The following IST1 variants were observed in gnomAD, a reference collection of about 807,000 sequenced individuals.
The protein encoded by IST1 is IST1 factor associated with ESCRT-III.
IST1 carries 23 observed loss-of-function variants against 37.0 expected under a neutral mutation model. That is an observed-to-expected ratio of 0.62 (90% CI 0.45 to 0.88). IST1 has a LOEUF of 0.88. IST1 is among the 40% of genes least tolerant of loss of function. The probability of loss-of-function intolerance (pLI) is 0.00; values close to 1 mark genes in which losing one functional copy is unlikely to be tolerated. For missense variants in IST1, 488 were observed against 445.4 expected (o/e 1.10, Z -0.86); for synonymous variants, 180 against 161.7 (o/e 1.11, Z -0.86).
At position 71,916,555 on chromosome 16, in the gene IST1, G is replaced by A. The variant is rs754367859; in HGVS notation, c.182G>A (p.Arg61Gln). Residue 61 changes from arginine to glutamine, a missense_variant, in exon 3 of 10, where the codon CGG becomes CAG. Around this residue, in one of 2 missense-constraint regions of IST1, gnomAD observed 455 missense variants for 386.2 expected, o/e 1.18. Coordinates refer to ENST00000378799, the MANE Select transcript of IST1 (RefSeq NM_001270975.2). ...RARIRVEHII[R>Q]EDYLVEAMEI... ...CGGATCCGTGTGGAGCACATTATCC[G>A]GGAAGACTACCTCGTGGAGGCCATG... 2.0e-5 allele frequency: 33 copies of A among 1,613,970 alleles called. No individual in the cohort carries two copies. Among genetic ancestry groups the A allele is most frequent in the Non-Finnish European group, 2.6e-5 (31 of 1,179,860 alleles).
chr16:71,926,748 C>G (rs1185833444), intron 9 of IST1, among the ~76,000 whole-genome samples: 1 of 152,104 alleles, frequency 6.6e-6, no homozygotes, highest in East Asian at 1.9e-4. Flanking sequence ...TCAACTCTGC[C>G]CTTCCCTCCA....
In IST1 at chr16:71,929,572, C is replaced by A; in HGVS notation, c.*1759C>A. ...TTCATCTAAAACTTCAGTGTCACTG[C>A]CCACTGCTGTCGTGGCTGCTTGCTC... On this transcript the variant is annotated 3_prime_UTR_variant, in exon 10 of 10. Transcript: ENST00000378799. 6.4e-7 allele frequency: 1 copy of A among 1,551,454 alleles called. No homozygotes were observed. The highest frequency in any genetic ancestry group is 8.7e-7 in the Non-Finnish European group (1 of 1,146,926).
rs767239099 is a variant in IST1 at position 71,929,586 on chromosome 16, G to C, written c.*1773G>C. 4.5e-6 allele frequency: 7 copies of C among 1,551,776 alleles called. No individual in the cohort carries two copies. Among genetic ancestry groups the C allele is most frequent in the Admixed American group, 2.0e-5 (1 of 50,982 alleles). Reference sequence around the variant, plus strand: ...CAGTGTCACTGCCCACTGCTGTCGTGGCTGCTTGCTCAGATGAGGTTTTTT... The same window carrying C: ...CAGTGTCACTGCCCACTGCTGTCGTCGCTGCTTGCTCAGATGAGGTTTTTT... On this transcript the variant is annotated 3_prime_UTR_variant, in exon 10 of 10. Transcript: ENST00000378799.
rs778020868 is a variant in IST1 at position 71,921,700 on chromosome 16, T to A, written c.552+247T>A. The A allele has an allele frequency of 2.4e-4, 98 of 401,798 alleles. 1 individual carries two copies. Among genetic ancestry groups the A allele is most frequent in the South Asian group, 3.5e-4 (12 of 33,804 alleles). The allele number at this position is 401,798 out of a possible 1,614,324, so 24.9% of individuals were successfully genotyped here. ...AAAATGGCACTATTATTGCTACTTT[T>A]TGGTGAACTTCAGGAATTGAGAAAC... On this transcript the variant is annotated intron_variant, in intron 6 of 9. Coordinates refer to ENST00000378799, the MANE Select transcript of IST1 (RefSeq NM_001270975.2).
At chr16:71,894,986 C>T (rs1451943034), upstream of IST1, 2 of 675,470 alleles carry the variant, frequency 3.0e-6, no homozygotes, top group Non-Finnish European at 5.0e-6. Flanking sequence ...AAAGGGCAAC[C>T]GGACGGCTTA....
At chr16:71,897,867 C>G (rs1043815615) in intron 1 of IST1, among the ~76,000 whole-genome samples, 2 of 152,056 alleles carry the variant, frequency 1.3e-5, no homozygotes, top group Non-Finnish European at 2.9e-5. Flanking sequence ...ATTGCTTGCT[C>G]GAACCCGAGA....
intron 5 of IST1, 87 bp from the exon 6 acceptor site, chr16:71,921,256 A>G (rs569773622): frequency 5.2e-4 from 419 of 802,186 alleles, no homozygotes; most frequent in Non-Finnish European, 6.8e-4. Context: ...TTACCTGTAA[A>G]ATGAGAGGAG....
intron 7 of IST1, chr16:71,923,001 A>C (rs186236453): frequency 3.9e-5 from 19 of 482,980 alleles, no homozygotes; most frequent in African/African-American, 5.9e-5. Flanking sequence ...CAGGCAGAAC[A>C]ACCTTTGTAG....
intron 1 of IST1, among the ~76,000 whole-genome samples, chr16:71,902,335 T>C (rs1342908928): frequency 6.6e-6 from 1 of 151,770 alleles, no homozygotes; most frequent in Non-Finnish European, 1.5e-5. Flanking sequence ...AGTGGTGTGA[T>C]CTCGGCTCAC....
chr16:71,894,762 C>T (rs926431893), upstream of IST1: 20 of 1,131,806 alleles, frequency 1.8e-5, no homozygotes, highest in South Asian at 1.2e-4. Context: ...TCTGCAACTC[C>T]CGGGCTCAAG....
Position 71,927,913 on chromosome 16 carries a change from C to T in IST1, c.*100C>T, listed in dbSNP as rs912100964. ...ATGAAATTCTGTTTCATCTGTTAACCGTCACTCAGCACAACACTCCCTCTG... is the reference window on the plus strand; with the variant it reads ...ATGAAATTCTGTTTCATCTGTTAACTGTCACTCAGCACAACACTCCCTCTG... On this transcript the variant is annotated 3_prime_UTR_variant, in exon 10 of 10. Coordinates refer to ENST00000378799, the MANE Select transcript of IST1 (RefSeq NM_001270975.2). 6.2e-5 allele frequency: 52 copies of T among 843,118 alleles called. No individual in the cohort carries two copies. The highest frequency in any genetic ancestry group is 9.5e-5 in the Admixed American group (5 of 52,842). The allele number at this position is 843,118 out of a possible 1,614,324, so 52.2% of individuals were successfully genotyped here.
chr16:71,905,145 C>T (rs1468472284), intron 1 of IST1, among the ~76,000 whole-genome samples: 5 of 151,274 alleles, frequency 3.3e-5, no homozygotes, highest in South Asian at 2.1e-4. Context: ...AAGCAATTCT[C>T]CCGCCTCAGC....
chr16:71,902,018 A>C (rs975026034), intron 1 of IST1, among the ~76,000 whole-genome samples: 1 of 152,250 alleles, frequency 6.6e-6, no homozygotes, highest in Non-Finnish European at 1.5e-5. Flanking sequence ...TCTTTAGATG[A>C]AGAGCTAAGA....
chr16:71,926,834 G>T (rs1386715049), intron 9 of IST1, among the ~76,000 whole-genome samples: 1 of 152,084 alleles, frequency 6.6e-6, no homozygotes, highest in Non-Finnish European at 1.5e-5. Context: ...TACAGTAGAT[G>T]TGTGTGGGGG....
chr16:71,917,015 A>T, intron 3 of IST1, 32 bp from the exon 4 acceptor site: 1 of 1,421,840 alleles, frequency 7.0e-7, no homozygotes, highest in South Asian at 1.2e-5. Flanking sequence ...TTTGTTTTAA[A>T]GAATGTTATA....
At chr16:71,910,402 C>T (rs530966767) in intron 1 of IST1, among the ~76,000 whole-genome samples, 2 of 151,934 alleles carry the variant, frequency 1.3e-5, no homozygotes, top group African/African-American at 2.4e-5. Context: ...GTCAGGAGAT[C>T]GAGACCATCC....
chr16:71,921,106 T>C, intron 5 of IST1: 1 of 598,628 alleles, frequency 1.7e-6, no homozygotes, highest in South Asian at 2.0e-5. Context: ...AATTGAACTG[T>C]GGAAGGCAGC....
At chr16:71,899,499 C>G (rs2037053396) in intron 1 of IST1, among the ~76,000 whole-genome samples, 1 of 152,228 alleles carries the variant, frequency 6.6e-6, no homozygotes, top group African/African-American at 2.4e-5. Flanking sequence ...TCTGTTTCTA[C>G]TCTAACATCA....
At chr16:71,912,439 G>T (rs577094558) in intron 1 of IST1, among the ~76,000 whole-genome samples, 229 of 152,182 alleles carry the variant, frequency 1.5e-3, no homozygotes, top group Non-Finnish European at 2.1e-3. Flanking sequence ...GGGTTTCACC[G>T]TGTTAGCCAG....
Sources: gnomAD v4.1 joint callset for allele counts (sites outside exome capture counted in the v4.1 genomes callset) on GRCh38, gnomAD v4.1.1 for gene constraint, gnomAD v4.1.1 regional missense constraint, MANE v1.5 for transcripts, NCBI Gene and HGNC (gene_info 2026-07-23, HGNC 2026-07-21) for gene names.